Variants in CABCOCO1 observed in about 807,000 individuals in gnomAD.
The protein encoded by CABCOCO1 is ciliary-associated calcium-binding coiled-coil protein 1.
In CABCOCO1, 28 loss-of-function variants were observed where a neutral mutation model predicts 35.7. That is an observed-to-expected ratio of 0.78 (90% confidence interval 0.58 to 1.07). CABCOCO1 has a LOEUF of 1.07. CABCOCO1 is among the 50% of genes least tolerant of loss of function. The pLI, the probability that CABCOCO1 is intolerant of heterozygous loss-of-function variation, is 0.00. For missense variants in CABCOCO1, 326 were observed against 309.2 expected (o/e 1.05, Z -0.41); for synonymous variants, 95 against 100.1 (o/e 0.95, Z 0.30).
At chr10:61,673,088 G>A (rs1044987596) in intron 2 of CABCOCO1, among the ~76,000 whole-genome samples, 1 of 152,178 alleles carries the variant, frequency 6.6e-6, no homozygotes, top group Non-Finnish European at 1.5e-5. Flanking sequence ...TGTAAGAAGA[G>A]TAAGTTGTGT....
chr10:61,726,650 C>T (rs1011090755), intron 5 of CABCOCO1, among the ~76,000 whole-genome samples: 1 of 151,658 alleles, frequency 6.6e-6, no homozygotes, highest in Admixed American at 6.6e-5. Context: ...AGAGGGGTTA[C>T]TTTGTGCGTT....
intron 1 of CABCOCO1, among the ~76,000 whole-genome samples, chr10:61,669,583 A>T (rs1443358939): frequency 6.6e-6 from 1 of 152,072 alleles, no homozygotes; most frequent in Non-Finnish European, 1.5e-5. Flanking sequence ...CAAAAAAAGC[A>T]GTCTGGTTTA....
In CABCOCO1 at chr10:61,760,056, C is replaced by T. The variant is rs1193956084; in HGVS notation, c.553-3C>T. On this transcript the variant is annotated splice_polypyrimidine_tract_variant and splice_region_variant and intron_variant, in intron 5 of 7. Coordinates refer to ENST00000648843, the MANE Select transcript of CABCOCO1 (RefSeq NM_001366906.2). Reference sequence around the variant, plus strand: ...CATAATTCAACTTTTTTCTTCCCATCAGCAAGTGATAGAGGTTGTCAAGTC... The same window carrying T: ...CATAATTCAACTTTTTTCTTCCCATTAGCAAGTGATAGAGGTTGTCAAGTC... 1 of 1,612,134 alleles carries T rather than the reference C, an allele frequency of 6.2e-7. No individual in the cohort carries two copies. Among genetic ancestry groups the T allele is most frequent in the Non-Finnish European group, 8.5e-7 (1 of 1,178,902 alleles).
chr10:61,704,999 C>T (rs1410203259), intron 5 of CABCOCO1, among the ~76,000 whole-genome samples: 2 of 151,892 alleles, frequency 1.3e-5, no homozygotes, highest in Non-Finnish European at 2.9e-5. Flanking sequence ...TAATAAATAT[C>T]TGTTCATAGT....
chr10:61,726,509 G>T (rs1383161069), intron 5 of CABCOCO1, among the ~76,000 whole-genome samples: 1 of 151,864 alleles, frequency 6.6e-6, no homozygotes, highest in Non-Finnish European at 1.5e-5. Context: ...ACAATGGGAC[G>T]TGGAGTGATT....
At chr10:61,732,615 T>C (rs192100197) in intron 5 of CABCOCO1, among the ~76,000 whole-genome samples, 22 of 152,174 alleles carry the variant, frequency 1.4e-4, no homozygotes, top group African/African-American at 4.6e-4. Context: ...ATTTGCTATG[T>C]AAACAGTTAT....
At chr10:61,702,713 G>A (rs1337633063) in intron 5 of CABCOCO1, among the ~76,000 whole-genome samples, 1 of 152,084 alleles carries the variant, frequency 6.6e-6, no homozygotes, top group Non-Finnish European at 1.5e-5. Flanking sequence ...TTTAGGCTTG[G>A]TGAGTGTTTG....
At position 61,686,018 on chromosome 10, in the gene CABCOCO1, G is replaced by A. The variant is rs750033872; in HGVS notation, c.335-23G>A. ...AAACATCTATCAAAATAATAATTAA[G>A]ATTTCTCTGGATTTTATTTCAGCAC... On this transcript the variant is annotated intron_variant, in intron 3 of 7. Coordinates refer to ENST00000648843, the MANE Select transcript of CABCOCO1 (RefSeq NM_001366906.2). 4.5e-6 allele frequency: 7 copies of A among 1,571,620 alleles called. No individual in the cohort carries two copies. The African/African-American group carries it at 9.7e-5, about 22-fold the overall frequency.
At chr10:61,719,880 C>T (rs1012244315) in intron 5 of CABCOCO1, among the ~76,000 whole-genome samples, 13 of 146,296 alleles carry the variant, frequency 8.9e-5, no homozygotes, top group Admixed American at 6.2e-4. Context: ...GAGATCACAC[C>T]ACTGCACTCC....
intron 5 of CABCOCO1, among the ~76,000 whole-genome samples, chr10:61,729,375 A>G (rs1442716590): frequency 2.6e-5 from 4 of 152,150 alleles, no homozygotes; most frequent in East Asian, 1.9e-4. Flanking sequence ...AAAATGTTCA[A>G]TGTCACCAAT....
chr10:61,758,043 C>T (rs1841935135), intron 5 of CABCOCO1, among the ~76,000 whole-genome samples: 1 of 152,064 alleles, frequency 6.6e-6, no homozygotes, highest in Admixed American at 6.6e-5. Flanking sequence ...AGAAAAAATT[C>T]TACTGCATTA....
intron 5 of CABCOCO1, among the ~76,000 whole-genome samples, chr10:61,710,065 T>C (rs1840690884): frequency 6.6e-6 from 1 of 152,040 alleles, no homozygotes; most frequent in Non-Finnish European, 1.5e-5. Flanking sequence ...ACATAATGCA[T>C]TTATTTGCCA....
Position 61,686,154 on chromosome 10 carries a change from G to A in CABCOCO1, c.448G>A (p.Ala150Thr), listed in dbSNP as rs368301430. The A allele has an allele frequency of 1.0e-5, 16 of 1,585,704 alleles. No homozygotes were observed. The South Asian group carries it at 1.5e-4, about 15-fold the overall frequency. Reference sequence around the variant, plus strand: ...CTGGAATATCTTTGATGTAAAACAAGCCAATGCTATCATTGATTACTTAAA... The same window carrying A: ...CTGGAATATCTTTGATGTAAAACAAACCAATGCTATCATTGATTACTTAAA... ...EDWNIFDVKQ[A>T]NAIIDYLKIS... The change falls in exon 4 of 8, where the codon GCC becomes ACC. Residue 150 changes from alanine to threonine, a missense_variant. Coordinates refer to ENST00000648843, the MANE Select transcript of CABCOCO1 (RefSeq NM_001366906.2).
intron 5 of CABCOCO1, among the ~76,000 whole-genome samples, chr10:61,709,012 C>T (rs887736854): frequency 6.6e-6 from 1 of 151,998 alleles, no homozygotes; most frequent in African/African-American, 2.4e-5. Context: ...AGATTACTGC[C>T]CATGGGATTG....
intron 5 of CABCOCO1, among the ~76,000 whole-genome samples, chr10:61,728,945 T>C (rs899363953): frequency 6.6e-6 from 1 of 152,292 alleles, no homozygotes; most frequent in Admixed American, 6.5e-5. Flanking sequence ...AGCACAGCTT[T>C]GAAATATGGT....
At chr10:61,724,163 C>T (rs1201218260) in intron 5 of CABCOCO1, among the ~76,000 whole-genome samples, 2 of 152,222 alleles carry the variant, frequency 1.3e-5, no homozygotes, top group East Asian at 3.9e-4. Flanking sequence ...TAAAGGAAGA[C>T]TTTAACAAAA....
At chr10:61,751,388 C>T (rs901598202) in intron 5 of CABCOCO1, among the ~76,000 whole-genome samples, 4 of 151,940 alleles carry the variant, frequency 2.6e-5, no homozygotes, top group African/African-American at 9.7e-5. Context: ...GTGGGACAGG[C>T]ATCAGCAGGT....
chr10:61,697,507 T>C (rs1481422165), intron 5 of CABCOCO1, among the ~76,000 whole-genome samples: 2 of 152,084 alleles, frequency 1.3e-5, no homozygotes, highest in African/African-American at 4.8e-5. Context: ...TAGACATGTA[T>C]ATGCATGTAA....
intron 5 of CABCOCO1, among the ~76,000 whole-genome samples, chr10:61,732,481 C>T (rs1841325844): frequency 1.9e-5 from 1 of 52,456 alleles, no homozygotes; most frequent in African/African-American, 3.9e-5. Context: ...ACTGTAAAGA[C>T]AACAACTACC....
Sources: allele counts gnomAD v4.1 joint callset (sites outside exome capture counted in the v4.1 genomes callset), GRCh38; gene constraint gnomAD v4.1.1; transcripts MANE v1.5; gene names NCBI Gene and HGNC (gene_info 2026-07-23, HGNC 2026-07-21).